TATDN1: variants seen among roughly 807,000 people sequenced by gnomAD.
The protein encoded by TATDN1 is deoxyribonuclease TATDN1.
A neutral mutation model predicts 46.4 loss-of-function variants in TATDN1; 40 were observed. The ratio of observed to expected loss-of-function variants is 0.86; its 90% confidence interval spans 0.67 to 1.12. The LOEUF (loss-of-function observed/expected upper bound fraction) is 1.12. Among genes scored for constraint, TATDN1 ranks in the 50% most tolerant of loss-of-function variants. The probability of loss-of-function intolerance (pLI) is 0.00; values close to 1 mark genes in which losing one functional copy is unlikely to be tolerated. For missense variants in TATDN1, 326 were observed against 348.4 expected (o/e 0.94, Z 0.51); for synonymous variants, 95 against 105.6 (o/e 0.90, Z 0.62).
intron 1 of TATDN1, among the ~76,000 whole-genome samples, chr8:124,535,681 G>A (rs1821372177): frequency 6.6e-6 from 1 of 152,190 alleles, no homozygotes; most frequent in South Asian, 2.1e-4. Flanking sequence ...TGATTTGGAG[G>A]AACTGTATTA....
At position 124,488,517 on chromosome 8, in the gene TATDN1, A is replaced by C; in HGVS notation, c.*77T>G. The C allele has an allele frequency of 2.7e-6, 2 of 733,654 alleles. No individual in the cohort carries two copies. The allele number at this position is 733,654 out of a possible 1,614,324, so 45.4% of individuals were successfully genotyped here. ...TATTTCTTTAGACAACTTGCAGATAATTTCTTTATTGAAACTATCAGGAAG... is the reference window on the plus strand; with the variant it reads ...TATTTCTTTAGACAACTTGCAGATACTTTCTTTATTGAAACTATCAGGAAG... On this transcript the variant is annotated 3_prime_UTR_variant, in exon 12 of 12. Transcript: ENST00000276692.
At chr8:124,524,192 T>C (rs1586659127) in intron 1 of TATDN1, among the ~76,000 whole-genome samples, 1 of 151,842 alleles carries the variant, frequency 6.6e-6, no homozygotes, top group Non-Finnish European at 1.5e-5. Context: ...TGAATGGGAG[T>C]TTAGAAAATT....
intron 4 of TATDN1, among the ~76,000 whole-genome samples, chr8:124,517,321 A>C (rs1819564248): frequency 6.6e-6 from 1 of 151,846 alleles, no homozygotes; most frequent in Non-Finnish European, 1.5e-5. Flanking sequence ...CCAGCTACTC[A>C]GGAGGCTGAG....
intron 11 of TATDN1, among the ~76,000 whole-genome samples, chr8:124,492,751 CAA>C (rs397892964): frequency 8.3e-5 from 6 of 72,366 alleles, no homozygotes; most frequent in Non-Finnish European, 5.3e-5. Flanking sequence ...AAGATGGTCT[CAA>C]AAAAAAAAAA....
At chr8:124,494,157 C>A (rs1817259053) in intron 10 of TATDN1, 198 bp from the exon 11 acceptor site, 2 of 401,810 alleles carry the variant, frequency 5.0e-6, no homozygotes, top group South Asian at 1.4e-4. Flanking sequence ...CTAAGACTCA[C>A]TTCTATTCCT....
At chr8:124,516,173 G>A in intron 4 of TATDN1, 143 bp from the exon 5 acceptor site, 2 of 631,172 alleles carry the variant, frequency 3.2e-6, no homozygotes, top group Non-Finnish European at 4.8e-6. Context: ...ACTGCATTAT[G>A]TTAATCATAT....
intron 1 of TATDN1, among the ~76,000 whole-genome samples, chr8:124,530,179 C>G (rs1820840084): frequency 1.3e-5 from 2 of 152,150 alleles, no homozygotes; most frequent in East Asian, 3.9e-4. Flanking sequence ...AAACACAGGA[C>G]ACATCAAAAC....
chr8:124,493,920 G>C lies in TATDN1; in HGVS notation c.704C>G (p.Ser235Ter). The change falls in exon 11 of 12, where the codon TCA (serine) becomes TGA (stop). Residue 235 changes from serine (S) to a stop codon, truncating the protein, a stop_gained. Coordinates refer to ENST00000276692, the MANE Select transcript of TATDN1 (RefSeq NM_032026.4). LOFTEE classifies it high-confidence loss of function. ...WCGVKSTHAG[S>*]KYIRTAFPTK... ...AGGAAATGCAGTTCTTATATATTTTGATCCAGCATGTGTACTTTTGACTCC... is the reference window on the plus strand; with the variant it reads ...AGGAAATGCAGTTCTTATATATTTTCATCCAGCATGTGTACTTTTGACTCC... The C allele has an allele frequency of 1.2e-6, 2 of 1,612,690 alleles. No homozygotes were observed. Among genetic ancestry groups the C allele is most frequent in the Non-Finnish European group, 1.7e-6 (2 of 1,179,804 alleles).
chr8:124,518,417 G>A (rs1280034334), intron 4 of TATDN1, among the ~76,000 whole-genome samples: 1 of 151,308 alleles, frequency 6.6e-6, no homozygotes, highest in East Asian at 1.9e-4. Context: ...CCAGCTACCC[G>A]GGAGGCTGAG....
rs774531628 is a variant in TATDN1 at position 124,538,906 on chromosome 8, G to A, written c.22+119C>T. The A allele has an allele frequency of 9.9e-6, 12 of 1,211,470 alleles. No individual in the cohort carries two copies. In the African/African-American group the frequency reaches 1.7e-4, roughly 17 times the overall value. 75.0% of individuals were successfully genotyped at this position (1,211,470 alleles called of 1,614,324 possible). ...AAACCTCCCCGCGCCCTCCTCCACT[G>A]AGCGGCCCTTTCAACCCTTACAATG... On this transcript the variant is annotated intron_variant, in intron 1 of 11. Coordinates refer to ENST00000276692, the MANE Select transcript of TATDN1 (RefSeq NM_032026.4).
chr8:124,530,680 G>C (rs1166626194), intron 1 of TATDN1, among the ~76,000 whole-genome samples: 1 of 152,194 alleles, frequency 6.6e-6, no homozygotes, highest in Non-Finnish European at 1.5e-5. Context: ...GCCCTGCTCA[G>C]TTCTGATAAA....
intron 6 of TATDN1, among the ~76,000 whole-genome samples, chr8:124,510,600 G>C (rs1818922312): frequency 6.6e-6 from 1 of 152,180 alleles, no homozygotes; most frequent in African/African-American, 2.4e-5. Context: ...GAGGTGGGTG[G>C]ATTGCTTGAG....
chr8:124,494,039 C>T, intron 10 of TATDN1, 80 bp from the exon 11 acceptor site: 2 of 1,339,578 alleles, frequency 1.5e-6, no homozygotes, highest in Non-Finnish European at 2.0e-6. Context: ...TATATAACCT[C>T]TAAATGATAA....
Position 124,518,836 on chromosome 8 carries a change from G to A in TATDN1, c.184C>T (p.His62Tyr). ...GNLQDSKDALHLAQTNGMFFS... is the reference protein window; with the variant it reads ...GNLQDSKDALYLAQTNGMFFS... ...AGGATACCATTTGTTTGTGCCAAAT[G>A]CAGTGCATCTTTACTGTCTTGTAGA... is the stretch of plus-strand genomic sequence containing the variant. The change falls in exon 4 of 12, where the codon CAT (histidine) becomes TAT (tyrosine). Residue 62 changes from histidine to tyrosine, a missense_variant. Physicochemically the swap from His to Tyr is moderately conservative, Grantham distance 83. Coordinates refer to ENST00000276692, the MANE Select transcript of TATDN1 (RefSeq NM_032026.4). 6.2e-7 allele frequency: 1 copy of A among 1,610,236 alleles called. No individual in the cohort carries two copies. Among genetic ancestry groups the A allele is most frequent in the Non-Finnish European group, 8.5e-7 (1 of 1,177,234 alleles).
intron 9 of TATDN1, among the ~76,000 whole-genome samples, chr8:124,496,290 T>C (rs1162874547): frequency 6.6e-6 from 1 of 152,192 alleles, no homozygotes; most frequent in Admixed American, 6.5e-5. Context: ...CTCTCAAAAT[T>C]CTACACCATA....
chr8:124,503,049 T>G (rs1818112467), intron 9 of TATDN1, among the ~76,000 whole-genome samples: 1 of 152,182 alleles, frequency 6.6e-6, no homozygotes. Flanking sequence ...CCTCTCATAC[T>G]TGGCATAGCA....
rs772491425 is a variant in TATDN1 at position 124,488,611 on chromosome 8, A to ATACTT, written c.872_876dup (p.Phe293LysfsTer23). 3 of 1,557,596 alleles carry ATACTT rather than the reference A, an allele frequency of 1.9e-6. No homozygotes were observed. The highest frequency in any genetic ancestry group is 2.6e-6 in the Non-Finnish European group (3 of 1,134,956). ...TATACCAATTATATTCCAGGAAAAA[A>ATACTT]TACTTTAATAGTATTGTTATATAGT... On this transcript the variant is annotated frameshift_variant, in exon 12 of 12. Transcript: ENST00000276692. LOFTEE classifies it high-confidence loss of function.
intron 9 of TATDN1, among the ~76,000 whole-genome samples, chr8:124,499,822 G>T (rs1817791279): frequency 2.0e-5 from 3 of 151,302 alleles, no homozygotes; most frequent in Non-Finnish European, 1.5e-5. Context: ...GGGATTACAG[G>T]TGTGAGTCAC....
intron 9 of TATDN1, among the ~76,000 whole-genome samples, chr8:124,496,818 T>C (rs80199532): frequency 0.026 from 4,005 of 152,304 alleles, 184 homozygotes; most frequent in African/African-American, 0.088. Context: ...TATGGACCTC[T>C]CATATAGTTA....
Sources: gnomAD v4.1 joint callset for allele counts (sites outside exome capture counted in the v4.1 genomes callset) on GRCh38, gnomAD v4.1.1 for gene constraint, MANE v1.5 for transcripts, NCBI Gene and HGNC (gene_info 2026-07-23, HGNC 2026-07-21) for gene names.